The following AXDND1 variants were observed in gnomAD, a reference collection of about 807,000 sequenced individuals.
The protein encoded by AXDND1 is axonemal dynein light chain domain containing 1, also known as axonemal dynein light chain domain-containing protein 1.
Under a neutral mutation model 137.5 loss-of-function variants are expected in AXDND1, and 110 were observed. That is an observed-to-expected ratio of 0.80 (90% CI 0.69 to 0.94). AXDND1 has a LOEUF of 0.94. Ranked by LOEUF, AXDND1 falls within the 40% of genes least tolerant of loss-of-function variation. The pLI is 0.00. For missense variants in AXDND1, 1,191 were observed against 1,169.8 expected, an observed-to-expected ratio of 1.02 and a Z score of -0.26; for synonymous variants, 414 against 399.7, an observed-to-expected ratio of 1.04 and a Z score of -0.43.
intron 12 of AXDND1, among the ~76,000 whole-genome samples, chr1:179,424,285 G>A (rs1656236543): frequency 1.3e-5 from 2 of 151,804 alleles, no homozygotes; most frequent in African/African-American, 4.8e-5. Flanking sequence ...CTGCTTTTAC[G>A]GTCATCTTTT....
At chr1:179,405,751 G>A (rs189789916) in intron 11 of AXDND1, among the ~76,000 whole-genome samples, 56 of 151,414 alleles carry the variant, frequency 3.7e-4, no homozygotes, top group African/African-American at 9.0e-4. Context: ...TGCTTGAGTC[G>A]TCTCTCTTTT....
chr1:179,441,698 A>G (rs4651033), intron 15 of AXDND1, among the ~76,000 whole-genome samples: 98,434 of 151,954 alleles, frequency 0.65, 32,211 homozygotes, highest in Middle Eastern at 0.7. Flanking sequence ...GCCCAGGCAC[A>G]TTTAGCGGCC....
chr1:179,437,677 G>GACAGAGC (rs931812642), intron 15 of AXDND1, among the ~76,000 whole-genome samples: 2 of 76,666 alleles, frequency 2.6e-5, no homozygotes, highest in Non-Finnish European at 6.3e-5. Context: ...ATGAACAGAA[G>GACAGAGC]ACAGAGACAA....
At chr1:179,507,682 A>T (rs1668662357) in intron 20 of AXDND1, among the ~76,000 whole-genome samples, 1 of 152,100 alleles carries the variant, frequency 6.6e-6, no homozygotes, top group South Asian at 2.1e-4. Context: ...AATTGCTACA[A>T]ATCAGGGCTT....
intron 8 of AXDND1, among the ~76,000 whole-genome samples, chr1:179,384,014 C>A (rs538279957): frequency 2.3e-4 from 35 of 152,064 alleles, no homozygotes; most frequent in Non-Finnish European, 4.6e-4. Context: ...CATGAACCAC[C>A]GCACCAGGCC....
At chr1:179,419,341 C>T (rs1202244636) in intron 12 of AXDND1, among the ~76,000 whole-genome samples, 1 of 151,904 alleles carries the variant, frequency 6.6e-6, no homozygotes, top group East Asian at 1.9e-4. Flanking sequence ...ACTGAGTGAA[C>T]GAGACTCTGT....
At chr1:179,500,337 A>ATGTGTGTGTGTGTG (rs57654195) in intron 20 of AXDND1, among the ~76,000 whole-genome samples, 22 of 133,886 alleles carry the variant, frequency 1.6e-4, no homozygotes, top group African/African-American at 5.3e-4. Context: ...AGGGTACATT[A>ATGTGTGTGTGTGTG]TGTGTGTGTG....
chr1:179,436,385 T>G (rs1658153393), intron 15 of AXDND1, among the ~76,000 whole-genome samples: 1 of 152,216 alleles, frequency 6.6e-6, no homozygotes, highest in Admixed American at 6.5e-5. Context: ...TAAAGACACG[T>G]GCACATGTAT....
intron 17 of AXDND1, among the ~76,000 whole-genome samples, chr1:179,482,908 G>A (rs1665595930): frequency 6.6e-6 from 1 of 150,994 alleles, no homozygotes; most frequent in South Asian, 2.1e-4. Flanking sequence ...TGTCCAAAGT[G>A]CATCTTGCTA....
intron 18 of AXDND1, among the ~76,000 whole-genome samples, chr1:179,484,181 C>G (rs545514437): frequency 7.2e-4 from 110 of 152,296 alleles, no homozygotes; most frequent in Admixed American, 1.3e-3. Flanking sequence ...ATTCAGACAG[C>G]AGGATATCCC....
At chr1:179,532,635 G>C (rs1376242569) in intron 23 of AXDND1, among the ~76,000 whole-genome samples, 1 of 152,144 alleles carries the variant, frequency 6.6e-6, no homozygotes, top group Non-Finnish European at 1.5e-5. Context: ...TATAATCTCA[G>C]CACTTGGGAG....
intron 23 of AXDND1, chr1:179,533,006 G>A (rs1164633854): frequency 6.6e-6 from 1 of 152,112 alleles, no homozygotes; most frequent in East Asian, 1.9e-4. Flanking sequence ...GTGTGATTGA[G>A]GATGAGAGGC....
In AXDND1 at chr1:179,369,980, T is replaced by G; in HGVS notation, c.276T>G (p.Thr92=). 1.9e-6 allele frequency: 3 copies of G among 1,613,378 alleles called. No homozygotes were observed. Among genetic ancestry groups the G allele is most frequent in the Non-Finnish European group, 2.5e-6 (3 of 1,179,522 alleles). The change falls in exon 4 of 26, where the codon ACT becomes ACG. Residue 92 remains threonine (T), a synonymous_variant. Transcript: ENST00000367618. ...PPKKIKTPKG[T]LPRLVDHVWH... ...GTGTATTTGCTTTTTCCCAGGGCAC[T>G]CTTCCACGCCTTGTAGACCATGTCT...
intron 15 of AXDND1, among the ~76,000 whole-genome samples, chr1:179,438,106 C>G (rs1395290912): frequency 6.6e-6 from 1 of 151,998 alleles, no homozygotes; most frequent in African/African-American, 2.4e-5. Flanking sequence ...GAGCCAAGAT[C>G]GTGCCACTGC....
intron 21 of AXDND1, among the ~76,000 whole-genome samples, chr1:179,524,504 G>A (rs1298025438): frequency 6.6e-6 from 1 of 151,970 alleles, no homozygotes; most frequent in Non-Finnish European, 1.5e-5. Flanking sequence ...AACTCTCACA[G>A]CCTAATCTGA....
chr1:179,469,022 C>T (rs755819190), intron 17 of AXDND1, among the ~76,000 whole-genome samples: 53 of 152,000 alleles, frequency 3.5e-4, no homozygotes, highest in Non-Finnish European at 5.4e-4. Context: ...CTCTACCTCC[C>T]GGGTTCAAGT....
At chr1:179,492,786 A>G in intron 19 of AXDND1, 69 bp from the exon 20 acceptor site, 1 of 1,016,134 alleles carries the variant, frequency 9.8e-7, no homozygotes, top group East Asian at 2.6e-5. Flanking sequence ...AAGAAGAACC[A>G]GCAATAAATA....
At chr1:179,432,677 C>T (rs1261375464) in intron 15 of AXDND1, among the ~76,000 whole-genome samples, 2 of 152,174 alleles carry the variant, frequency 1.3e-5, no homozygotes, top group Non-Finnish European at 2.9e-5. Flanking sequence ...CCACCCACCT[C>T]GGCCTCCCAA....
intron 25 of AXDND1, chr1:179,550,564 A>T (rs1334416754): frequency 6.6e-6 from 1 of 152,644 alleles, no homozygotes; most frequent in East Asian, 1.9e-4. Context: ...TTAATTAGGG[A>T]TAAATTGTAT....
Sources: allele counts gnomAD v4.1 joint callset (sites outside exome capture counted in the v4.1 genomes callset), GRCh38; gene constraint gnomAD v4.1.1; transcripts MANE v1.5; gene names NCBI Gene and HGNC (gene_info 2026-07-23, HGNC 2026-07-21).